ZNF475: variants seen among roughly 807,000 people sequenced by gnomAD.
ZNF475 encodes zinc finger protein 475.
the ZNF475 span, among the ~76,000 whole-genome samples, chr5:122,175,424 A>T: frequency 6.6e-6 from 1 of 152,196 alleles, no homozygotes; most frequent in African/African-American, 2.4e-5. Context: ...GTGCTACTAA[A>T]GAGCATATTG....
At chr5:122,160,449 T>A in the ZNF475 span, among the ~76,000 whole-genome samples, 1 of 152,212 alleles carries the variant, frequency 6.6e-6, no homozygotes, top group Non-Finnish European at 1.5e-5. Context: ...AGGATAATAC[T>A]CACCTGTACA....
At chr5:122,181,474 A>G in the ZNF475 span, among the ~76,000 whole-genome samples, 4 of 152,330 alleles carry the variant, frequency 2.6e-5, no homozygotes, top group Non-Finnish European at 5.9e-5. Context: ...CATTTGCTTT[A>G]TCCAAAGAAG....
At chr5:122,172,043 C>A in the ZNF475 span, among the ~76,000 whole-genome samples, 1 of 152,190 alleles carries the variant, frequency 6.6e-6, no homozygotes, top group Non-Finnish European at 1.5e-5. Flanking sequence ...CTGGGCACAG[C>A]CTCTACAATT....
the ZNF475 span, among the ~76,000 whole-genome samples, chr5:122,179,089 G>C: frequency 6.6e-6 from 1 of 152,062 alleles, no homozygotes; most frequent in Non-Finnish European, 1.5e-5. Context: ...CTGTTCCATT[G>C]GTCTATATAA....
chr5:122,179,349 G>T, the ZNF475 span, among the ~76,000 whole-genome samples: 1 of 152,122 alleles, frequency 6.6e-6, no homozygotes, highest in African/African-American at 2.4e-5. Context: ...CCGTTTTCAC[G>T]ATATTGATTT....
chr5:122,164,861 G>A, the ZNF475 span, among the ~76,000 whole-genome samples: 1 of 152,276 alleles, frequency 6.6e-6, no homozygotes, highest in East Asian at 1.9e-4. Flanking sequence ...GTAATTTAAA[G>A]TGAATGGGCT....
At chr5:122,166,517 A>G in the ZNF475 span, among the ~76,000 whole-genome samples, 205 of 152,164 alleles carry the variant, frequency 1.3e-3, no homozygotes, top group Admixed American at 2.2e-3. Context: ...GACAGGCCCC[A>G]GTGTATGATG....
the ZNF475 span, among the ~76,000 whole-genome samples, chr5:122,161,284 C>G: frequency 3.9e-5 from 6 of 152,224 alleles, no homozygotes; most frequent in Non-Finnish European, 5.9e-5. Flanking sequence ...AGCACCTGCT[C>G]TGATGCCATG....
chr5:122,169,799 C>G, the ZNF475 span, among the ~76,000 whole-genome samples: 1 of 152,216 alleles, frequency 6.6e-6, no homozygotes, highest in Admixed American at 6.5e-5. Flanking sequence ...TTGACCACCA[C>G]TTTTCAAAAT....
At chr5:122,177,543 T>G in the ZNF475 span, among the ~76,000 whole-genome samples, 1 of 152,180 alleles carries the variant, frequency 6.6e-6, no homozygotes, top group Non-Finnish European at 1.5e-5. Flanking sequence ...TCTGGTTAGC[T>G]CTTTTTTATT....
At chr5:122,179,679 A>G in the ZNF475 span, 2 of 1,534,792 alleles carry the variant, frequency 1.3e-6, no homozygotes, top group African/African-American at 1.4e-5. Flanking sequence ...CTTGTTGCCT[A>G]AAGAGTTAAG....
the ZNF475 span, among the ~76,000 whole-genome samples, chr5:122,166,807 A>C: frequency 2.0e-5 from 3 of 152,208 alleles, no homozygotes; most frequent in Admixed American, 6.5e-5. Context: ...ATACGTGTGC[A>C]TGTGTCTTTA....
At chr5:122,163,500 A>G in the ZNF475 span, among the ~76,000 whole-genome samples, 1,403 of 152,340 alleles carry the variant, frequency 9.2e-3, 18 homozygotes, top group Non-Finnish European at 0.015. Context: ...ATTCTATGAT[A>G]TGCCCTGTGC....
chr5:122,160,868 T>C, the ZNF475 span, among the ~76,000 whole-genome samples: 2 of 152,316 alleles, frequency 1.3e-5, no homozygotes, highest in East Asian at 1.9e-4. Flanking sequence ...TGAATCTTTA[T>C]ATAATGAGCG....
chr5:122,179,752 T>A, the ZNF475 span: 1 of 1,473,030 alleles, frequency 6.8e-7, no homozygotes, highest in East Asian at 2.5e-5. Flanking sequence ...GAAAAAAGAT[T>A]TGAGTGCATA....
At chr5:122,173,295 A>G in the ZNF475 span, among the ~76,000 whole-genome samples, 3 of 152,188 alleles carry the variant, frequency 2.0e-5, no homozygotes, top group Non-Finnish European at 4.4e-5. Flanking sequence ...AGAAATCTGA[A>G]TCTATCTGAA....
chr5:122,169,466 T>C, the ZNF475 span, among the ~76,000 whole-genome samples: 3 of 152,136 alleles, frequency 2.0e-5, no homozygotes, highest in South Asian at 2.1e-4. Flanking sequence ...AATGAAGGCA[T>C]GGAGACAGCA....
the ZNF475 span, among the ~76,000 whole-genome samples, chr5:122,175,102 A>G: frequency 6.6e-6 from 1 of 152,206 alleles, no homozygotes; most frequent in Admixed American, 6.5e-5. Context: ...ATAAAATAAT[A>G]GAAAAAAATT....
the ZNF475 span, among the ~76,000 whole-genome samples, chr5:122,179,071 C>G: frequency 3.9e-5 from 6 of 151,992 alleles, no homozygotes; most frequent in Non-Finnish European, 7.4e-5. Flanking sequence ...ATTTCTGAGG[C>G]CTCTGTTCTG....
Sources: gnomAD v4.1 joint callset for allele counts (sites outside exome capture counted in the v4.1 genomes callset) on GRCh38, gnomAD v4.1.1 for gene constraint, MANE v1.5 for transcripts, NCBI Gene and HGNC (gene_info 2026-07-23, HGNC 2026-07-21) for gene names.